The following STXBP5L variants were observed in gnomAD, a reference collection of about 807,000 sequenced individuals.
STXBP5L encodes syntaxin-binding protein 5-like.
Under a neutral mutation model 144.5 loss-of-function variants are expected in STXBP5L, and 65 were observed. The ratio of observed to expected loss-of-function variants is 0.45; its 90% CI spans 0.37 to 0.55. STXBP5L has a LOEUF of 0.55. Among genes scored for constraint, STXBP5L ranks in the 20% least tolerant of loss-of-function variants. The pLI, the probability that STXBP5L is intolerant of heterozygous loss-of-function variation, is 0.00. For missense variants in STXBP5L, 1,298 were observed against 1,405.5 expected (o/e 0.92, Z 1.22); for synonymous variants, 505 against 469.6 (o/e 1.08, Z -0.97).
At chr3:121,067,679 G>A (rs559020114) in intron 5 of STXBP5L, among the ~76,000 whole-genome samples, 3 of 152,168 alleles carry the variant, frequency 2.0e-5, no homozygotes, top group African/African-American at 4.8e-5. Context: ...GTTTGTATTT[G>A]TTCTATCTGA....
intron 19 of STXBP5L, among the ~76,000 whole-genome samples, chr3:121,291,685 T>C (rs1226383723): frequency 6.6e-6 from 1 of 152,044 alleles, no homozygotes; most frequent in Non-Finnish European, 1.5e-5. Flanking sequence ...TACCAAAACT[T>C]CATGGTACTG....
intron 3 of STXBP5L, among the ~76,000 whole-genome samples, chr3:120,975,510 C>T (rs1454960305): frequency 1.3e-5 from 2 of 152,182 alleles, no homozygotes; most frequent in Non-Finnish European, 2.9e-5. Context: ...TTGACTTCCT[C>T]TTTTCCTAAT....
intron 3 of STXBP5L, among the ~76,000 whole-genome samples, chr3:120,986,595 T>C (rs182063858): frequency 1.4e-3 from 220 of 152,110 alleles, no homozygotes; most frequent in African/African-American, 5.2e-3. Context: ...ATGTAATTAC[T>C]TTCTTTGTCT....
intron 22 of STXBP5L, among the ~76,000 whole-genome samples, chr3:121,392,925 T>C (rs1482484334): frequency 6.6e-6 from 1 of 151,578 alleles, no homozygotes; most frequent in East Asian, 1.9e-4. Flanking sequence ...TATGATTATT[T>C]CTTTTCTTTT....
intron 9 of STXBP5L, among the ~76,000 whole-genome samples, chr3:121,176,670 C>T (rs1160914188): frequency 2.0e-5 from 3 of 151,440 alleles, no homozygotes; most frequent in Non-Finnish European, 3.0e-5. Context: ...GAAAGTAAGT[C>T]AATAAAAAGA....
chr3:120,988,652 C>T (rs1329210853), intron 3 of STXBP5L, among the ~76,000 whole-genome samples: 1 of 151,926 alleles, frequency 6.6e-6, no homozygotes, highest in Non-Finnish European at 1.5e-5. Context: ...GTTCTATATC[C>T]TTGCTAATTT....
At chr3:121,353,105 TG>T (rs1197620509) in intron 20 of STXBP5L, among the ~76,000 whole-genome samples, 6 of 152,208 alleles carry the variant, frequency 3.9e-5, no homozygotes, top group African/African-American at 7.2e-5. Context: ...TGAGGATTTT[TG>T]CATCCATGTT....
chr3:121,116,392 A>G (rs1056124323), intron 6 of STXBP5L, among the ~76,000 whole-genome samples: 1 of 152,108 alleles, frequency 6.6e-6, no homozygotes, highest in African/African-American at 2.4e-5. Context: ...TACTCTTGTC[A>G]TGATACTCCT....
chr3:121,253,741 G>A (rs2050109543), intron 15 of STXBP5L, among the ~76,000 whole-genome samples: 1 of 148,770 alleles, frequency 6.7e-6, no homozygotes, highest in African/African-American at 2.5e-5. Flanking sequence ...CCATTCTCCT[G>A]CCTCAGCCCC....
chr3:121,340,828 T>G (rs1310425182), intron 20 of STXBP5L, among the ~76,000 whole-genome samples: 1 of 151,988 alleles, frequency 6.6e-6, no homozygotes, highest in Admixed American at 6.6e-5. Context: ...AACATATAAA[T>G]AGAAACAACA....
intron 22 of STXBP5L, among the ~76,000 whole-genome samples, chr3:121,406,031 T>A (rs73191758): frequency 1.3e-5 from 2 of 152,090 alleles, no homozygotes; most frequent in Admixed American, 1.3e-4. Context: ...AATGTGGTTT[T>A]ACTGAACAGC....
chr3:121,317,332 T>G lies in STXBP5L; in HGVS notation c.2111-1143T>G, dbSNP rs566547022. Among the ~76,000 whole-genome samples, 5 of 152,328 alleles carry G rather than the reference T, an allele frequency of 3.3e-5. No homozygotes were observed. In the South Asian group the frequency reaches 6.2e-4, roughly 19 times the overall value. ...GTTCTGTGTCCTTTTCAAGCTATGT[T>G]ATTGACTTACTTCTCTGACTTTGAA... On this transcript the variant is annotated intron_variant, in intron 19 of 26. Coordinates refer to ENST00000471454, the MANE Select transcript of STXBP5L (RefSeq NM_001308330.2).
At chr3:121,093,516 G>C (rs528802750) in intron 5 of STXBP5L, among the ~76,000 whole-genome samples, 3 of 152,088 alleles carry the variant, frequency 2.0e-5, no homozygotes, top group Admixed American at 6.6e-5. Context: ...TATATGTGTC[G>C]AGGAATTTAT....
intron 22 of STXBP5L, among the ~76,000 whole-genome samples, chr3:121,382,831 C>T (rs1038692614): frequency 6.6e-6 from 1 of 152,054 alleles, no homozygotes; most frequent in Non-Finnish European, 1.5e-5. Flanking sequence ...AAAATGATGA[C>T]AAAATACAAA....
At chr3:121,344,724 T>C (rs1000931838) in intron 20 of STXBP5L, among the ~76,000 whole-genome samples, 4 of 151,888 alleles carry the variant, frequency 2.6e-5, no homozygotes, top group African/African-American at 9.7e-5. Flanking sequence ...TATTTGGTGG[T>C]TAATTGGTGG....
chr3:120,964,265 C>G (rs951958480), intron 3 of STXBP5L, among the ~76,000 whole-genome samples: 1 of 152,118 alleles, frequency 6.6e-6, no homozygotes, highest in South Asian at 2.1e-4. Context: ...TTTTGTGTCT[C>G]TATCTCCTTC....
chr3:121,095,761 C>T (rs931867440), intron 5 of STXBP5L, among the ~76,000 whole-genome samples: 2 of 149,268 alleles, frequency 1.3e-5, no homozygotes, highest in South Asian at 2.2e-4. Context: ...GAAGTTTGAT[C>T]GTCTGAAGCC....
chr3:121,318,154 G>A, intron 19 of STXBP5L, among the ~76,000 whole-genome samples: 1 of 151,796 alleles, frequency 6.6e-6, no homozygotes, highest in Non-Finnish European at 1.5e-5. Flanking sequence ...TGTATCACTT[G>A]TTTAAACAAA....
intron 20 of STXBP5L, among the ~76,000 whole-genome samples, chr3:121,343,844 A>G (rs2044834401): frequency 6.6e-6 from 1 of 152,150 alleles, no homozygotes; most frequent in Non-Finnish European, 1.5e-5. Context: ...TATAGATTCA[A>G]TGCCATCCCC....
Sources: allele counts gnomAD v4.1 joint callset (sites outside exome capture counted in the v4.1 genomes callset), GRCh38; gene constraint gnomAD v4.1.1; transcripts MANE v1.5; gene names NCBI Gene and HGNC (gene_info 2026-07-23, HGNC 2026-07-21).